The following ADAMTS9 variants were observed in gnomAD, a reference collection of about 807,000 sequenced individuals.
The protein encoded by ADAMTS9 is ADAM metallopeptidase with thrombospondin type 1 motif 9, also known as A disintegrin and metalloproteinase with thrombospondin motifs 9.
ADAMTS9 carries 107 observed loss-of-function variants against 257.1 expected under a neutral mutation model. The observed-to-expected ratio is 0.42, with a 90% CI of 0.36 to 0.49. The LOEUF is 0.49. ADAMTS9 is among the 20% of genes least tolerant of loss of function. The pLI, the probability that ADAMTS9 is intolerant of heterozygous loss-of-function variation, is 0.03. For missense variants in ADAMTS9, 2,353 were observed against 2,469.1 expected (o/e 0.95, Z 1.00); for synonymous variants, 982 against 880.9 (o/e 1.11, Z -2.03).
rs770275540 is a variant in ADAMTS9 at position 64,541,185 on chromosome 3, C to T, written c.5431G>A (p.Asp1811Asn). 52 of 1,614,158 alleles carry T rather than the reference C, an allele frequency of 3.2e-5. No individual in the cohort carries two copies. The highest frequency in any genetic ancestry group is 8.9e-5 in the East Asian group (4 of 44,876). Residue 1811 changes from aspartate to asparagine, a missense_variant, in exon 36 of 40, where the codon GAT becomes AAT. Transcript: ENST00000498707. ...TECPYNGSRR[D>N]DCQCRKDYTA... ...TAATCCTTCCGACATTGGCAGTCAT[C>T]GCGCCGGCTCCCGTTATAGGGACAT...
At chr3:64,668,464 C>A (rs1477313648) in intron 3 of ADAMTS9, among the ~76,000 whole-genome samples, 1 of 152,104 alleles carries the variant, frequency 6.6e-6, no homozygotes, top group Non-Finnish European at 1.5e-5. Flanking sequence ...ATCAGAGAGA[C>A]CCGTGTGTAA....
chr3:64,519,927 T>C (rs1575971349), intron 39 of ADAMTS9, among the ~76,000 whole-genome samples: 1 of 152,036 alleles, frequency 6.6e-6, no homozygotes, highest in Non-Finnish European at 1.5e-5. Flanking sequence ...CAACATAGTA[T>C]TGGAAATCTT....
In ADAMTS9 at chr3:64,633,471, C is replaced by G; in HGVS notation, c.2175+1G>C. The stretch of plus-strand genomic sequence containing the variant: ...TGAAGAAAACACCATCAAGGACTTA[C>G]CCGGCAAAGGCCCTGGACACAGATA... On this transcript the variant is annotated splice_donor_variant, in intron 14 of 39. Coordinates refer to ENST00000498707, the MANE Select transcript of ADAMTS9 (RefSeq NM_182920.2). LOFTEE classifies it high-confidence loss of function. The G allele has an allele frequency of 6.2e-7, 1 of 1,613,952 alleles. No individual in the cohort carries two copies. The highest frequency in any genetic ancestry group is 1.3e-5 in the African/African-American group (1 of 75,018).
chr3:64,686,135 G>A lies in ADAMTS9; in HGVS notation c.516+433C>T, dbSNP rs1272270811. Among the ~76,000 whole-genome samples, 2 of 152,310 alleles carry A rather than the reference G, an allele frequency of 1.3e-5. No homozygotes were observed. The highest frequency in any genetic ancestry group is 3.9e-4 in the East Asian group (2 of 5,162). ...AGGAACTCCCAGTGCCTTGGGCAGG[G>A]GATCCTCAGCCCCACATCCCCGATG... On this transcript the variant is annotated intron_variant, in intron 2 of 39. Coordinates refer to ENST00000498707, the MANE Select transcript of ADAMTS9 (RefSeq NM_182920.2). This position sits in a 1 kb window ranked among gnomAD's most constrained non-coding sequence, Gnocchi z 4.6.
intron 31 of ADAMTS9, among the ~76,000 whole-genome samples, chr3:64,547,798 A>G (rs2083221929): frequency 6.6e-6 from 1 of 152,098 alleles, no homozygotes; most frequent in Admixed American, 6.6e-5. Flanking sequence ...CTACCAATAC[A>G]GAAATGCAGA....
intron 8 of ADAMTS9, 89 bp from the exon 9 acceptor site, chr3:64,651,252 GAA>G (rs1372242780): frequency 5.7e-6 from 7 of 1,219,578 alleles, no homozygotes; most frequent in Non-Finnish European, 6.6e-6. Context: ...CTATCTAAGA[GAA>G]AAAAATTTAA....
chr3:64,594,157 A>T (rs2084315945), intron 28 of ADAMTS9, 101 bp downstream of exon 28: 15 of 1,254,264 alleles, frequency 1.2e-5, no homozygotes, highest in Non-Finnish European at 1.5e-5. Flanking sequence ...AGTTTCTGGG[A>T]TGCCCTTGTA....
intron 26 of ADAMTS9, among the ~76,000 whole-genome samples, chr3:64,598,474 C>T (rs990174393): frequency 1.3e-5 from 2 of 151,934 alleles, no homozygotes; most frequent in Non-Finnish European, 2.9e-5. Context: ...TACACTACCA[C>T]ACCTGGGTAA....
intron 14 of ADAMTS9, 128 bp from the exon 15 acceptor site, chr3:64,632,053 G>T: frequency 1.4e-6 from 1 of 714,210 alleles, no homozygotes. Flanking sequence ...AACTTGGAAA[G>T]GTTGAAAACT....
intron 16 of ADAMTS9, among the ~76,000 whole-genome samples, chr3:64,628,004 A>G (rs1677058214): frequency 6.6e-6 from 1 of 152,120 alleles, no homozygotes; most frequent in Non-Finnish European, 1.5e-5. Context: ...TTGTTGAGTA[A>G]CCACCGTGAG....
At chr3:64,537,437 G>T (rs778337485) in intron 37 of ADAMTS9, among the ~76,000 whole-genome samples, 5 of 152,086 alleles carry the variant, frequency 3.3e-5, no homozygotes, top group African/African-American at 1.2e-4. Context: ...AAAAAAAACT[G>T]TACTTCAAAA....
chr3:64,553,113 G>T (rs6445410), intron 30 of ADAMTS9, among the ~76,000 whole-genome samples: 132,848 of 152,022 alleles, frequency 0.87, 59,057 homozygotes, highest in South Asian at 0.96. Context: ...TGGCCTTTAG[G>T]ACATTTGCAA....
chr3:64,644,091 G>T (rs1021709056), intron 11 of ADAMTS9, among the ~76,000 whole-genome samples: 1 of 152,218 alleles, frequency 6.6e-6, no homozygotes, highest in Admixed American at 6.5e-5. Flanking sequence ...AACATACTTA[G>T]TATACAACTT....
rs749468945 is a variant in ADAMTS9, at chr3:64,654,425, T to C, written c.1244A>G (p.Tyr415Cys). The C allele has an allele frequency of 2.5e-5, 40 of 1,614,052 alleles. No individual in the cohort carries two copies. The South Asian group carries it at 3.4e-4, about 14-fold the overall frequency. ...ATCTTCACTAATAGAACAGCTTCTA[T>C]AGGGATCACAAATGGTTCCCAGTTC... The part of the protein sequence containing the change: ...LAELGTICDP[Y>C]RSCSISEDSG... The change falls in exon 8 of 40, where the codon TAT becomes TGT. Residue 415 changes from tyrosine (Y) to cysteine (C), a missense_variant. Tyr to Cys is a radical substitution (Grantham distance 194). Around this residue, in one of 3 missense-constraint regions of ADAMTS9, gnomAD observed 591 missense variants for 569.6 expected, o/e 1.04. Transcript: ENST00000498707.
chr3:64,614,682 A>G (rs2084728019), intron 21 of ADAMTS9, among the ~76,000 whole-genome samples: 1 of 152,078 alleles, frequency 6.6e-6, no homozygotes, highest in Non-Finnish European at 1.5e-5. Flanking sequence ...AGTGAGTGCT[A>G]ATACTATATC....
At chr3:64,539,540 C>G (rs1232859833) in intron 36 of ADAMTS9, among the ~76,000 whole-genome samples, 2 of 152,162 alleles carry the variant, frequency 1.3e-5, no homozygotes, top group African/African-American at 4.8e-5. Context: ...TCTGTCTCCC[C>G]ACAGTATGGA....
chr3:64,586,476 C>T (rs1245425456), intron 28 of ADAMTS9, among the ~76,000 whole-genome samples: 9 of 152,138 alleles, frequency 5.9e-5, no homozygotes, highest in Admixed American at 4.6e-4. Context: ...CATAGTCAAC[C>T]TGAGAGTGAG....
At chr3:64,625,384 T>C (rs779361094) in intron 16 of ADAMTS9, among the ~76,000 whole-genome samples, 4 of 152,192 alleles carry the variant, frequency 2.6e-5, no homozygotes, top group African/African-American at 9.7e-5. Context: ...AGAAGCAATG[T>C]GTACACAGAA....
intron 28 of ADAMTS9, among the ~76,000 whole-genome samples, chr3:64,576,126 T>C (rs2083839693): frequency 6.6e-6 from 1 of 152,180 alleles, no homozygotes; most frequent in Admixed American, 6.5e-5. Context: ...TAGAGACTAT[T>C]ACTTACCAGT....
Sources: allele counts gnomAD v4.1 joint callset (sites outside exome capture counted in the v4.1 genomes callset), GRCh38; gene constraint gnomAD v4.1.1; regional missense constraint gnomAD v4.1.1; non-coding constraint Gnocchi (gnomAD v3.1); transcripts MANE v1.5; gene names NCBI Gene and HGNC (gene_info 2026-07-23, HGNC 2026-07-21).